Variants in TSEN15 observed in about 807,000 individuals in gnomAD.
The protein encoded by TSEN15 is tRNA splicing endonuclease subunit 15, also known as tRNA-splicing endonuclease subunit Sen15.
Under a neutral mutation model 20.5 loss-of-function variants are expected in TSEN15, and 10 were observed. The observed-to-expected ratio is 0.49, with a 90% CI of 0.30 to 0.83. The LOEUF (loss-of-function observed/expected upper bound fraction) is 0.83, where lower values mean the gene tolerates loss of function less well. TSEN15 is among the 40% of genes least tolerant of loss of function. The pLI is 0.06. For missense variants in TSEN15, 180 were observed against 218.6 expected, an observed-to-expected ratio of 0.82 and a Z score of 1.11; for synonymous variants, 72 against 80.1, an observed-to-expected ratio of 0.90 and a Z score of 0.54.
intron 3 of TSEN15, among the ~76,000 whole-genome samples, chr1:184,060,356 A>G (rs890855513): frequency 6.6e-6 from 1 of 152,382 alleles, no homozygotes; most frequent in Non-Finnish European, 1.5e-5. Context: ...AATGAAGGCC[A>G]GATTTTAGAT....
chr1:184,091,011 T>C (rs1255032399), intron 3 of TSEN15, among the ~76,000 whole-genome samples: 1 of 152,186 alleles, frequency 6.6e-6, no homozygotes, highest in Non-Finnish European at 1.5e-5. Flanking sequence ...CTAAACACTG[T>C]AATTATTTCT....
chr1:184,055,009 GTGT>G, intron 3 of TSEN15, 146 bp downstream of exon 3: 1 of 880,570 alleles, frequency 1.1e-6, no homozygotes, highest in Non-Finnish European at 1.7e-6. Flanking sequence ...TTAAATATGA[GTGT>G]TGTATTCGGC....
At chr1:184,077,840 C>A (rs999699753), downstream of TSEN15, among the ~76,000 whole-genome samples, 1 of 152,132 alleles carries the variant, frequency 6.6e-6, no homozygotes, top group Non-Finnish European at 1.5e-5. Flanking sequence ...ACAACCTGAA[C>A]ATATGAGGAG....
At chr1:184,069,951 C>T (rs1015708239) in intron 3 of TSEN15, among the ~76,000 whole-genome samples, 5 of 151,922 alleles carry the variant, frequency 3.3e-5, no homozygotes, top group Non-Finnish European at 2.9e-5. Context: ...AACCAAATAC[C>T]ATAAACAAGG....
intron 3 of TSEN15, among the ~76,000 whole-genome samples, chr1:184,090,030 T>G (rs1430297669): frequency 2.0e-5 from 3 of 152,224 alleles, no homozygotes; most frequent in Non-Finnish European, 4.4e-5. Flanking sequence ...ACATGAGGTT[T>G]ATAACAGCTT....
At chr1:184,085,117 T>C (rs1178547189) in intron 3 of TSEN15, among the ~76,000 whole-genome samples, 1 of 152,118 alleles carries the variant, frequency 6.6e-6, no homozygotes, top group East Asian at 1.9e-4. Flanking sequence ...GCAGGGAAGC[T>C]GTACTGGGGC....
chr1:184,064,932 C>T (rs1345970082), intron 3 of TSEN15, among the ~76,000 whole-genome samples: 3 of 152,088 alleles, frequency 2.0e-5, no homozygotes, highest in African/African-American at 7.2e-5. Context: ...TAAATATCAT[C>T]GATATACTGA....
At chr1:184,074,353 G>A (rs1405875888), downstream of TSEN15, 1 of 152,150 alleles carries the variant, frequency 6.6e-6, no homozygotes, top group Non-Finnish European at 1.5e-5. Context: ...GGTCCTCCAT[G>A]AGGCTACAGT....
intron 4 of TSEN15, 21 bp downstream of exon 4, chr1:184,072,319 C>T (rs764974917): frequency 1.9e-6 from 3 of 1,577,370 alleles, no homozygotes; most frequent in Non-Finnish European, 2.6e-6. Context: ...AGGTAACTGA[C>T]AGCAAGAAGT....
At chr1:184,053,598 A>G (rs1392004253) in intron 1 of TSEN15, among the ~76,000 whole-genome samples, 2 of 152,234 alleles carry the variant, frequency 1.3e-5, no homozygotes, top group Admixed American at 1.3e-4. Context: ...TCAACTCAGC[A>G]TTAGCCCTGC....
rs1651305761 is a variant in TSEN15 at position 184,088,618 on chromosome 1, C to T, written c.354-7072C>T. Among the ~76,000 whole-genome samples, 4 of 122,290 alleles carry T rather than the reference C, an allele frequency of 3.3e-5. No individual in the cohort carries two copies. In the Admixed American group the frequency reaches 4.0e-4, roughly 12 times the overall value. 80.2% of individuals were successfully genotyped at this position (122,290 alleles called of 152,430 possible). A position where few individuals can be genotyped will look rare whatever the true frequency, so the allele number is the denominator to read the frequency against. The stretch of plus-strand genomic sequence containing the variant: ...TTTTTTGGTAGAGATCGAGTTTCAC[C>T]ATATTGACCAGGCTGCTCTCGAACT... On this transcript the variant is annotated intron_variant, in intron 3 of 3. Coordinates refer to the TSEN15 transcript ENST00000643231.
intron 3 of TSEN15, among the ~76,000 whole-genome samples, chr1:184,069,922 C>T (rs991036822): frequency 6.6e-6 from 1 of 151,906 alleles, no homozygotes; most frequent in Non-Finnish European, 1.5e-5. Context: ...ACTGGTAATT[C>T]ACAATCACCG....
intron 3 of TSEN15, among the ~76,000 whole-genome samples, chr1:184,059,273 G>A (rs926392297): frequency 6.6e-6 from 1 of 152,164 alleles, no homozygotes; most frequent in Admixed American, 6.5e-5. Flanking sequence ...CCATGGTTTA[G>A]TAGGGTAACT....
At chr1:184,094,258 G>A (rs1376864391) in intron 3 of TSEN15, 1 of 152,236 alleles carries the variant, frequency 6.6e-6, no homozygotes, top group Non-Finnish European at 1.5e-5. Flanking sequence ...TACAAGCAAG[G>A]CATTTCTGAC....
At chr1:184,077,607 C>T (rs759062283), downstream of TSEN15, among the ~76,000 whole-genome samples, 1 of 152,102 alleles carries the variant, frequency 6.6e-6, no homozygotes, top group East Asian at 1.9e-4. Context: ...GACTGACAAC[C>T]TTCCAGAAAA....
intron 1 of TSEN15, among the ~76,000 whole-genome samples, chr1:184,053,362 C>T (rs1344657887): frequency 6.6e-6 from 1 of 152,080 alleles, no homozygotes; most frequent in East Asian, 1.9e-4. Context: ...TTTTATTATT[C>T]TCCTGCTTAG....
intron 3 of TSEN15, among the ~76,000 whole-genome samples, chr1:184,089,955 T>C (rs1651329446): frequency 1.3e-5 from 2 of 152,176 alleles, no homozygotes; most frequent in Non-Finnish European, 2.9e-5. Flanking sequence ...CACTGGACCA[T>C]GTTTGCCAGT....
rs145750199 is a variant in TSEN15, at chr1:184,059,070, T to A, written c.353+4207T>A. Among the ~76,000 whole-genome samples the A allele has an allele frequency of 3.0e-3, 459 of 152,068 alleles. 2 individuals carry two copies. Among genetic ancestry groups the A allele is most frequent in the African/African-American group, 7.1e-3 (296 of 41,482 alleles). The stretch of plus-strand genomic sequence containing the variant: ...TTTTGGTAATTGTTGGATGGAATTT[T>A]AAAAAACAGAATTGCCCTTTGTTCA... On this transcript the variant is annotated intron_variant, in intron 3 of 4. Coordinates refer to ENST00000645668, the MANE Select transcript of TSEN15 (RefSeq NM_052965.4).
intron 3 of TSEN15, chr1:184,093,563 T>G (rs1651395543): frequency 6.6e-6 from 1 of 152,198 alleles, no homozygotes; most frequent in Non-Finnish European, 1.5e-5. Context: ...TATTTTTTTG[T>G]AGGTAGGTAC....
Sources: allele counts gnomAD v4.1 joint callset (sites outside exome capture counted in the v4.1 genomes callset), GRCh38; gene constraint gnomAD v4.1.1; transcripts MANE v1.5; gene names NCBI Gene and HGNC (gene_info 2026-07-23, HGNC 2026-07-21).